The following RWDD1 variants were observed in gnomAD, a reference collection of about 807,000 sequenced individuals.
The protein encoded by RWDD1 is RWD domain containing 1.
Under a neutral mutation model 31.6 loss-of-function variants are expected in RWDD1, and 17 were observed. The observed-to-expected ratio is 0.54, with a 90% CI of 0.37 to 0.81. The LOEUF is 0.81. Ranked by LOEUF, RWDD1 falls within the 30% of genes least tolerant of loss-of-function variation. The pLI is 0.00. For synonymous variants in RWDD1, 78 were observed against 94.2 expected, an observed-to-expected ratio of 0.83 and a Z score of 0.99; for missense variants, 204 against 274.5, an observed-to-expected ratio of 0.74 and a Z score of 1.82.
intron 3 of RWDD1, among the ~76,000 whole-genome samples, chr6:116,587,042 T>G (rs1235695755): frequency 6.6e-6 from 1 of 152,200 alleles, no homozygotes; most frequent in Non-Finnish European, 1.5e-5. Flanking sequence ...AATGATTATT[T>G]TTTTGCTTTT....
At chr6:116,586,004 G>A (rs1775033587) in intron 3 of RWDD1, among the ~76,000 whole-genome samples, 1 of 152,066 alleles carries the variant, frequency 6.6e-6, no homozygotes, top group South Asian at 2.1e-4. Flanking sequence ...GGATGGTTAT[G>A]CTATATTCAG....
intron 1 of RWDD1, among the ~76,000 whole-genome samples, chr6:116,578,331 A>G (rs1160435083): frequency 6.6e-6 from 1 of 152,220 alleles, no homozygotes; most frequent in Non-Finnish European, 1.5e-5. Flanking sequence ...AGCATATCTC[A>G]TACTTGATGG....
At chr6:116,582,947 A>G (rs1479866669) in intron 2 of RWDD1, among the ~76,000 whole-genome samples, 1 of 116,332 alleles carries the variant, frequency 8.6e-6, no homozygotes, top group Non-Finnish European at 1.8e-5. Flanking sequence ...ATGTGTTTCC[A>G]TTTTCTTTTT....
In RWDD1 at chr6:116,593,255, C is replaced by A; in HGVS notation, c.*154C>A. On this transcript the variant is annotated 3_prime_UTR_variant, in exon 7 of 7. Coordinates refer to ENST00000466444, the MANE Select transcript of RWDD1 (RefSeq NM_015952.4). ...TCATCATTGAACTTAATAAACTGAC[C>A]TTAAAATTTCAAATATAAAATGTTC... The A allele has an allele frequency of 2.8e-6, 2 of 704,244 alleles. No homozygotes were observed. The highest frequency in any genetic ancestry group is 4.3e-6 in the Non-Finnish European group (2 of 470,054). The allele number at this position is 704,244 out of a possible 1,614,324, so 43.6% of individuals were successfully genotyped here.
At chr6:116,577,713 A>G (rs1238508204) in intron 1 of RWDD1, among the ~76,000 whole-genome samples, 1 of 152,062 alleles carries the variant, frequency 6.6e-6, no homozygotes, top group Non-Finnish European at 1.5e-5. Flanking sequence ...GATGATTGCA[A>G]TAGTGACCTA....
intron 1 of RWDD1, chr6:116,572,808 T>C (rs935747033): frequency 5.1e-6 from 5 of 984,988 alleles, no homozygotes; most frequent in Non-Finnish European, 4.8e-6. Context: ...GGCTTCACCT[T>C]TTGACCACTG....
At chr6:116,574,666 TTCTC>T (rs753852054) in intron 1 of RWDD1, among the ~76,000 whole-genome samples, 7 of 103,352 alleles carry the variant, frequency 6.8e-5, no homozygotes, top group Non-Finnish European at 9.8e-5. Context: ...CTTTCTTTCT[TTCTC>T]TCTCTCTCTC....
intron 1 of RWDD1, among the ~76,000 whole-genome samples, chr6:116,573,823 C>CTT (rs200209942): frequency 6.8e-5 from 10 of 147,274 alleles, no homozygotes; most frequent in East Asian, 3.9e-4. Flanking sequence ...AATAGATATA[C>CTT]TTTTTTTTTT....
At chr6:116,572,845 G>C in intron 1 of RWDD1, 3 of 985,408 alleles carry the variant, frequency 3.0e-6, no homozygotes, top group Middle Eastern at 1.0e-3. Flanking sequence ...ATTTTGTTCT[G>C]CTTTGCCAAC....
At chr6:116,590,246 G>T in intron 4 of RWDD1, 26 bp from the exon 5 acceptor site, 1 of 1,301,306 alleles carries the variant, frequency 7.7e-7, no homozygotes, top group Non-Finnish European at 1.1e-6. Flanking sequence ...CATTAATCTG[G>T]TGACTTTTTT....
At position 116,596,456 on chromosome 6, in the gene RWDD1, G is replaced by A. The variant is rs1775240164; in HGVS notation, c.*3355G>A. 6.6e-6 allele frequency: 1 copy of A among 152,226 alleles called. No homozygotes were observed. The highest frequency in any genetic ancestry group is 2.1e-4 in the South Asian group (1 of 4,834). 9.4% of individuals were successfully genotyped at this position (152,226 alleles called of 1,614,324 possible). On this transcript the variant is annotated 3_prime_UTR_variant, in exon 7 of 7. Transcript: ENST00000466444. ...CCTTTCACTTAAGTTACTTGTGTCA[G>A]AGGATGGATGATGGGGTCATTTAAA...
At chr6:116,590,747 G>A in intron 5 of RWDD1, 141 bp from the exon 6 acceptor site, 2 of 1,318,908 alleles carry the variant, frequency 1.5e-6, no homozygotes, top group African/African-American at 1.5e-5. Flanking sequence ...CATTTCATAT[G>A]CCACTTAGCT....
At position 116,595,948 on chromosome 6, in the gene RWDD1, C is replaced by G. The variant is rs1775233908; in HGVS notation, c.*2847C>G. The G allele has an allele frequency of 6.6e-6, 1 of 152,158 alleles. No homozygotes were observed. Among genetic ancestry groups the G allele is most frequent in the African/African-American group, 2.4e-5 (1 of 41,440 alleles). 9.4% of individuals were successfully genotyped at this position (152,158 alleles called of 1,614,324 possible). The stretch of plus-strand genomic sequence containing the variant: ...AAACTAAGAGGAGTGATAATAACAT[C>G]TCATCAATTTAAAGGACAAGTTCAC... On this transcript the variant is annotated 3_prime_UTR_variant, in exon 7 of 7. Transcript: ENST00000466444.
intron 1 of RWDD1, among the ~76,000 whole-genome samples, chr6:116,579,110 A>C (rs1162576748): frequency 6.6e-6 from 1 of 152,198 alleles, no homozygotes; most frequent in East Asian, 1.9e-4. Flanking sequence ...TCCTGGCTTC[A>C]AGTGATCCGC....
intron 2 of RWDD1, among the ~76,000 whole-genome samples, chr6:116,580,896 A>G (rs1191971335): frequency 6.6e-6 from 1 of 152,154 alleles, no homozygotes; most frequent in African/African-American, 2.4e-5. Context: ...GGGGAATGGT[A>G]TCTGAAGTTT....
chr6:116,584,961 G>T, intron 3 of RWDD1, 104 bp downstream of exon 3: 4 of 883,994 alleles, frequency 4.5e-6, no homozygotes, highest in Non-Finnish European at 7.0e-6. Context: ...ACAGAACATT[G>T]ACCAAGTGGA....
chr6:116,571,542 C>G lies in RWDD1; in HGVS notation c.-41C>G, dbSNP rs749444323. 23 of 1,601,678 alleles carry G rather than the reference C, an allele frequency of 1.4e-5. No individual in the cohort carries two copies. The highest frequency in any genetic ancestry group is 1.8e-5 in the Non-Finnish European group (21 of 1,174,052). ...AGCTGTCTGGGCTGCTGCGCGCCGC[C>G]TAGGTGTCTGGGCGATCTATGGGCA... On this transcript the variant is annotated 5_prime_UTR_variant, in exon 1 of 7. Transcript: ENST00000466444.
intron 6 of RWDD1, among the ~76,000 whole-genome samples, chr6:116,591,764 A>C (rs1295770099): frequency 6.6e-6 from 1 of 152,046 alleles, no homozygotes; most frequent in East Asian, 1.9e-4. Flanking sequence ...TACTTCATTA[A>C]CCTTTTGTTG....
intron 1 of RWDD1, among the ~76,000 whole-genome samples, chr6:116,572,004 C>G (rs375711213): frequency 2.0e-5 from 3 of 151,938 alleles, no homozygotes; most frequent in Non-Finnish European, 4.4e-5. Context: ...TCCACAGCCG[C>G]AAGAATGTTA....
Sources: allele counts gnomAD v4.1 joint callset (sites outside exome capture counted in the v4.1 genomes callset), GRCh38; gene constraint gnomAD v4.1.1; transcripts MANE v1.5; gene names NCBI Gene and HGNC (gene_info 2026-07-23, HGNC 2026-07-21).